SYNE1: variants seen among roughly 807,000 people sequenced by gnomAD.
SYNE1 encodes the protein nesprin-1.
Under a neutral mutation model 1,111.0 loss-of-function variants are expected in SYNE1, and 616 were observed. The ratio of observed to expected loss-of-function variants is 0.55; its 90% confidence interval spans 0.52 to 0.59. The LOEUF (loss-of-function observed/expected upper bound fraction) is 0.59. SYNE1 is among the 20% of genes least tolerant of loss of function. SYNE1 has a pLI of 0.00. For missense variants in SYNE1, 10,006 were observed against 10,417.0 expected (o/e 0.96, Z 1.72); for synonymous variants, 3,855 against 3,825.8 (o/e 1.01, Z -0.28).
intron 3 of SYNE1, among the ~76,000 whole-genome samples, chr6:152,584,951 A>T (rs1039278269): frequency 5.9e-5 from 9 of 152,204 alleles, no homozygotes; most frequent in Non-Finnish European, 8.8e-5. Flanking sequence ...TTTTTAGCTG[A>T]TATGGCTTGG....
At chr6:152,535,091 G>T (rs1199587187) in intron 4 of SYNE1, among the ~76,000 whole-genome samples, 1 of 152,226 alleles carries the variant, frequency 6.6e-6, no homozygotes, top group Non-Finnish European at 1.5e-5. Flanking sequence ...AAGTTAAAAT[G>T]AGGTCATTAG....
At chr6:152,376,586 G>A (rs748225632) in intron 57 of SYNE1, 28 bp from the exon 58 acceptor site, 6 of 1,611,044 alleles carry the variant, frequency 3.7e-6, no homozygotes, top group South Asian at 1.1e-5. Context: ...AAATTTAATG[G>A]CAGGAAAAAG....
At chr6:152,162,987 T>C (rs2062831358) in intron 131 of SYNE1, among the ~76,000 whole-genome samples, 1 of 152,160 alleles carries the variant, frequency 6.6e-6, no homozygotes, top group African/African-American at 2.4e-5. Flanking sequence ...TAAAATGAAG[T>C]AAGTACATAA....
intron 117 of SYNE1, among the ~76,000 whole-genome samples, chr6:152,224,021 G>A (rs2080869194): frequency 6.6e-6 from 1 of 152,208 alleles, no homozygotes; most frequent in African/African-American, 2.4e-5. Flanking sequence ...TGCTAGAAAG[G>A]AAGATTCTGT....
Position 152,219,069 on chromosome 6 carries a change from T to G in SYNE1, c.21978A>C (p.Gln7326His), listed in dbSNP as rs1262513613. Residue 7326 changes from glutamine (Q) to histidine (H), a missense_variant, in exon 120 of 146, where the codon CAA (glutamine) becomes CAC (histidine). Around this residue, in one of 7 missense-constraint regions of SYNE1, gnomAD observed 2,182 missense variants for 2,287.8 expected, o/e 0.95. Coordinates refer to ENST00000367255, the MANE Select transcript of SYNE1 (RefSeq NM_182961.4). ...ASAASAIQSD[Q>H]LSLSQHLCAL... Reference sequence around the variant, plus strand: ...CACACAAGTGTTGACTCAAAGAGAGTTGATCCGATTGAATAGCTGATGCTG... The same window carrying G: ...CACACAAGTGTTGACTCAAAGAGAGGTGATCCGATTGAATAGCTGATGCTG... 2 of 1,614,064 alleles carry G rather than the reference T, an allele frequency of 1.2e-6. No homozygotes were observed. Among genetic ancestry groups the G allele is most frequent in the East Asian group, 2.2e-5 (1 of 44,872 alleles).
chr6:152,249,290 A>C, intron 104 of SYNE1, 28 bp from the exon 105 acceptor site: 19 of 1,250,442 alleles, frequency 1.5e-5, no homozygotes, highest in Non-Finnish European at 2.2e-5. Flanking sequence ...GGGAAAACTC[A>C]AAATGTGTAA....
chr6:152,244,760 C>T, intron 105 of SYNE1, 104 bp from the exon 106 acceptor site: 2 of 1,443,340 alleles, frequency 1.4e-6, no homozygotes, highest in Non-Finnish European at 1.9e-6. Context: ...CCATGTAAAA[C>T]ATTCTCAATA....
At chr6:152,157,015 C>G (rs1486628296) in intron 131 of SYNE1, among the ~76,000 whole-genome samples, 1 of 152,060 alleles carries the variant, frequency 6.6e-6, no homozygotes, top group African/African-American at 2.4e-5. Context: ...TTTGTAGAGA[C>G]AGGGTTTTAC....
rs141125866 is a variant in SYNE1 at position 152,212,325 on chromosome 6, T to C, written c.22495-737A>G. Among the ~76,000 whole-genome samples the C allele has an allele frequency of 1.5e-3, 222 of 152,300 alleles. 4 individuals carry two copies. The East Asian group carries it at 0.038, about 26-fold the overall frequency. On this transcript the variant is annotated intron_variant, in intron 123 of 145. Coordinates refer to ENST00000367255, the MANE Select transcript of SYNE1 (RefSeq NM_182961.4). Reference sequence around the variant, plus strand: ...CTTCAGCAACCACTCATCTATTTTATGTCTCTATGAATTACTTACTCTGGA... The same window carrying C: ...CTTCAGCAACCACTCATCTATTTTACGTCTCTATGAATTACTTACTCTGGA...
chr6:152,511,623 G>A, intron 6 of SYNE1: 1 of 1,602,932 alleles, frequency 6.2e-7, no homozygotes. Flanking sequence ...GAAGATAATA[G>A]ATATACATAA....
Position 152,230,631 on chromosome 6 carries a change from C to G in SYNE1, c.21111G>C (p.Trp7037Cys). 2 of 1,614,000 alleles carry G rather than the reference C, an allele frequency of 1.2e-6. No individual in the cohort carries two copies. The highest frequency in any genetic ancestry group is 1.7e-6 in the Non-Finnish European group (2 of 1,179,942). Residue 7037 changes from tryptophan (W) to cysteine (C), a missense_variant, in exon 115 of 146, where the codon TGG (tryptophan) becomes TGC (cysteine). Coordinates refer to ENST00000367255, the MANE Select transcript of SYNE1 (RefSeq NM_182961.4). ...TTAGTCTCTTTTCCTGGGTTTCAAA[C>G]CATGTTTTCAGACATTGTACATTAT... is the stretch of plus-strand genomic sequence containing the variant. Reference protein sequence around the residue: ...YENNVQCLKTWFETQEKRLKQ... With the variant: ...YENNVQCLKTCFETQEKRLKQ...
At chr6:152,281,205 C>T (rs1169493947) in intron 97 of SYNE1, among the ~76,000 whole-genome samples, 21 of 152,152 alleles carry the variant, frequency 1.4e-4, no homozygotes. Context: ...ATTCTTTATA[C>T]TTATATGCAT....
At chr6:152,311,453 G>C (rs1214249209) in intron 87 of SYNE1, among the ~76,000 whole-genome samples, 1 of 152,154 alleles carries the variant, frequency 6.6e-6, no homozygotes, top group Non-Finnish European at 1.5e-5. Context: ...ATCATCTACT[G>C]GGTCTATCAG....
Position 152,539,104 on chromosome 6 carries a change from C to A in SYNE1, c.129+856G>T, listed in dbSNP as rs191503171. ...TGGGCTTTACATACTACAGGCACCACTCTCAGCAAAAGTGAGAATAAAAAA... is the reference window on the plus strand; with the variant it reads ...TGGGCTTTACATACTACAGGCACCAATCTCAGCAAAAGTGAGAATAAAAAA... On this transcript the variant is annotated intron_variant, in intron 4 of 145. Transcript: ENST00000367255. 2.0e-5 allele frequency among the ~76,000 whole-genome samples: 3 copies of A among 152,264 alleles called. No individual in the cohort carries two copies. In the East Asian group the frequency reaches 5.8e-4, roughly 29 times the overall value.
intron 65 of SYNE1, 105 bp from the exon 66 acceptor site, chr6:152,358,642 A>G: frequency 9.2e-7 from 1 of 1,084,638 alleles, no homozygotes; most frequent in Non-Finnish European, 1.4e-6. Flanking sequence ...AATTATTGAG[A>G]CATTAGAATA....
At chr6:152,381,550 A>T (rs1274027580) in intron 55 of SYNE1, 188 bp from the exon 56 acceptor site, 2 of 645,244 alleles carry the variant, frequency 3.1e-6, no homozygotes, top group Admixed American at 5.3e-5. Flanking sequence ...CGAGTGCCTA[A>T]GGCTTATGGC....
chr6:152,200,911 C>T (rs2075276886), intron 127 of SYNE1, among the ~76,000 whole-genome samples: 1 of 152,128 alleles, frequency 6.6e-6, no homozygotes, highest in Non-Finnish European at 1.5e-5. Flanking sequence ...ATTCTTATAG[C>T]CACACTTTTC....
chr6:152,291,968 G>A (rs1458709584), intron 95 of SYNE1, among the ~76,000 whole-genome samples: 2 of 152,176 alleles, frequency 1.3e-5, no homozygotes, highest in Admixed American at 6.5e-5. Context: ...TACTCAACCT[G>A]AAGGAAGCTC....
intron 128 of SYNE1, among the ~76,000 whole-genome samples, chr6:152,187,900 A>G (rs984112252): frequency 6.6e-6 from 1 of 151,950 alleles, no homozygotes; most frequent in Admixed American, 6.6e-5. Context: ...TAATTTTTGT[A>G]TTTTTAGTAG....
Sources: allele counts gnomAD v4.1 joint callset (sites outside exome capture counted in the v4.1 genomes callset), GRCh38; gene constraint gnomAD v4.1.1; regional missense constraint gnomAD v4.1.1; transcripts MANE v1.5; gene names NCBI Gene and HGNC (gene_info 2026-07-23, HGNC 2026-07-21).